SSH2: variants seen among roughly 807,000 people sequenced by gnomAD.
SSH2 encodes the protein protein phosphatase Slingshot homolog 2.
In SSH2, 37 loss-of-function variants were observed where a neutral mutation model predicts 135.2. The ratio of observed to expected loss-of-function variants is 0.27; its 90% CI spans 0.21 to 0.36. The LOEUF (loss-of-function observed/expected upper bound fraction) is 0.36, where lower values mean the gene tolerates loss of function less well. SSH2 is among the 10% of genes least tolerant of loss of function. The probability of loss-of-function intolerance (pLI) is 1.00; values close to 1 mark genes in which losing one functional copy is unlikely to be tolerated. For missense variants in SSH2, 1,408 were observed against 1,765.3 expected, an observed-to-expected ratio of 0.80 and a Z score of 3.63; for synonymous variants, 628 against 646.2, an observed-to-expected ratio of 0.97 and a Z score of 0.43.
intron 3 of SSH2, among the ~76,000 whole-genome samples, chr17:29,790,199 A>G (rs1347786834): frequency 6.6e-6 from 1 of 152,134 alleles, no homozygotes; most frequent in Non-Finnish European, 1.5e-5. Context: ...TTGAAGCCCT[A>G]CCCTCGAAAG....
intron 9 of SSH2, among the ~76,000 whole-genome samples, chr17:29,668,274 T>C (rs1457111827): frequency 6.6e-6 from 1 of 152,230 alleles, no homozygotes; most frequent in Non-Finnish European, 1.5e-5. Context: ...GGACTCTTAA[T>C]TTCTCATGAA....
intron 11 of SSH2, 108 bp downstream of exon 11, chr17:29,666,759 A>G (rs2037296357): frequency 9.2e-7 from 1 of 1,085,292 alleles, no homozygotes; most frequent in East Asian, 2.6e-5. Context: ...TTTGTCTTTA[A>G]AGTAAGTTAC....
At position 29,797,898 on chromosome 17, in the gene SSH2, A is replaced by G. The variant is rs187532867; in HGVS notation, c.145-3961T>C. Among the ~76,000 whole-genome samples, 148 of 152,280 alleles carry G rather than the reference A, an allele frequency of 9.7e-4. 2 individuals carry two copies. In the Middle Eastern group the frequency reaches 0.01, roughly 10 times the overall value. On this transcript the variant is annotated intron_variant, in intron 2 of 15. Transcript: ENST00000540801. ...GTGAGACTCTAAAATTAAATAAATA[A>G]ATAAAGCTATTATATGAATATTCTT...
intron 1 of SSH2, among the ~76,000 whole-genome samples, chr17:29,890,387 A>G (rs1316207661): frequency 6.6e-6 from 1 of 152,262 alleles, no homozygotes; most frequent in Non-Finnish European, 1.5e-5. Flanking sequence ...CATAATAGCC[A>G]AAAGACAGAA....
At chr17:29,722,746 A>C (rs1291778737) in intron 3 of SSH2, among the ~76,000 whole-genome samples, 1 of 152,220 alleles carries the variant, frequency 6.6e-6, no homozygotes, top group Non-Finnish European at 1.5e-5. Flanking sequence ...GGGGCAGTAC[A>C]GGAAAACACA....
At chr17:29,873,848 C>T (rs113276162) in intron 1 of SSH2, among the ~76,000 whole-genome samples, 7 of 152,314 alleles carry the variant, frequency 4.6e-5, no homozygotes, top group South Asian at 2.1e-4. Flanking sequence ...CTTACTTAAA[C>T]AAGCTTCTAG....
intron 3 of SSH2, among the ~76,000 whole-genome samples, chr17:29,752,085 C>T (rs868013497): frequency 6.6e-6 from 1 of 152,186 alleles, no homozygotes; most frequent in Non-Finnish European, 1.5e-5. Context: ...CCATACATCA[C>T]ATTCTTCATT....
chr17:29,709,029 G>T (rs1343143565), intron 3 of SSH2, among the ~76,000 whole-genome samples: 97 of 142,842 alleles, frequency 6.8e-4, no homozygotes, highest in South Asian at 1.8e-3. Context: ...GAGAGAGAGA[G>T]AGAGAGAGAG....
At chr17:29,875,956 A>G (rs185896437) in intron 1 of SSH2, among the ~76,000 whole-genome samples, 1 of 149,176 alleles carries the variant, frequency 6.7e-6, no homozygotes, top group Admixed American at 6.7e-5. Flanking sequence ...ACTATAAACC[A>G]CTGATGAAAA....
chr17:29,823,961 G>T lies in SSH2; in HGVS notation c.144+24888C>A, dbSNP rs142473478. 4.8e-3 allele frequency among the ~76,000 whole-genome samples: 726 copies of T among 151,634 alleles called. 6 individuals carry two copies. Among genetic ancestry groups the T allele is most frequent in the Middle Eastern group, 0.014 (4 of 286 alleles). On this transcript the variant is annotated intron_variant, in intron 2 of 15. Transcript: ENST00000540801. ...CTATTTTGTTTAATCCCATCTAAAG[G>T]CTTTTATACTGAATTGCTACAGAAG...
At chr17:29,691,726 G>A (rs1598811956) in intron 5 of SSH2, among the ~76,000 whole-genome samples, 1 of 151,672 alleles carries the variant, frequency 6.6e-6, no homozygotes, top group African/African-American at 2.4e-5. Context: ...TCCTGAACTC[G>A]TGATCCACCC....
rs575715372 is a variant in SSH2 at position 29,666,780 on chromosome 17, T to C, written c.1032+87A>G. 2.7e-5 allele frequency: 33 copies of C among 1,228,182 alleles called. No individual in the cohort carries two copies. In the East Asian group the frequency reaches 6.8e-4, roughly 25 times the overall value. The allele number at this position is 1,228,182 out of a possible 1,614,324, so 76.1% of individuals were successfully genotyped here. Reference sequence around the variant, plus strand: ...TTTAAAGTAAGTTACATTTTATTTATGTATAATAAAATTTAATAATTACCC... The same window carrying C: ...TTTAAAGTAAGTTACATTTTATTTACGTATAATAAAATTTAATAATTACCC... On this transcript the variant is annotated intron_variant, in intron 11 of 15. Coordinates refer to ENST00000540801, the MANE Select transcript of SSH2 (RefSeq NM_001282129.2).
At position 29,674,187 on chromosome 17, in the gene SSH2, T is replaced by C. The variant is rs546811050; in HGVS notation, c.615-2058A>G. 94 of 456,024 alleles carry C rather than the reference T, an allele frequency of 2.1e-4. 1 individual carries two copies. The highest frequency in any genetic ancestry group is 1.4e-3 in the South Asian group (89 of 64,364). 28.2% of individuals were successfully genotyped at this position (456,024 alleles called of 1,614,324 possible). On this transcript the variant is annotated intron_variant, in intron 8 of 15. Coordinates refer to ENST00000540801, the MANE Select transcript of SSH2 (RefSeq NM_001282129.2). ...ATACAATGTAAATTAAGAAAACAAA[T>C]TTAAACCAATTTAATCAGAGGAAAA...
chr17:29,806,174 A>G (rs571993330), intron 2 of SSH2, among the ~76,000 whole-genome samples: 1 of 152,332 alleles, frequency 6.6e-6, no homozygotes, highest in African/African-American at 2.4e-5. Context: ...CCTCTGTGTC[A>G]TTCTCTTGTT....
intron 3 of SSH2, among the ~76,000 whole-genome samples, chr17:29,748,996 T>C (rs1299197273): frequency 2.0e-5 from 3 of 152,210 alleles, no homozygotes; most frequent in Admixed American, 6.5e-5. Flanking sequence ...TAATTCAATG[T>C]GTCATTACAT....
chr17:29,631,168 G>C lies in SSH2; in HGVS notation c.4026C>G (p.His1342Gln). Residue 1342 changes from histidine to glutamine, a missense_variant, in exon 16 of 16, where the codon CAC becomes CAG. Physicochemically the swap from His to Gln is conservative, Grantham distance 24 (BLOSUM62 0). Coordinates refer to ENST00000540801, the MANE Select transcript of SSH2 (RefSeq NM_001282129.2). ...QESLENPGAP[H>Q]NPEPTKSFVE... ...CAAAAGACTTGGTGGGCTCTGGGTT[G>C]TGGGGGGCACCTGGGTTTTCTAGGG... is the stretch of plus-strand genomic sequence containing the variant. 1 of 1,614,202 alleles carries C rather than the reference G, an allele frequency of 6.2e-7. No individual in the cohort carries two copies. Among genetic ancestry groups the C allele is most frequent in the Non-Finnish European group, 8.5e-7 (1 of 1,180,038 alleles).
intron 11 of SSH2, 124 bp downstream of exon 11, chr17:29,666,743 A>ACAAAAG: frequency 1.6e-5 from 14 of 886,706 alleles, no homozygotes; most frequent in Non-Finnish European, 2.4e-5. Flanking sequence ...TTGAGTACTT[A>ACAAAAG]TCACTTTTGT....
chr17:29,772,856 G>C (rs1471370219), intron 3 of SSH2, among the ~76,000 whole-genome samples: 1 of 152,096 alleles, frequency 6.6e-6, no homozygotes, highest in Non-Finnish European at 1.5e-5. Flanking sequence ...CAGGTCCTTA[G>C]GTCTTTGGCA....
At chr17:29,668,901 T>A (rs1227129838) in intron 9 of SSH2, among the ~76,000 whole-genome samples, 1 of 152,094 alleles carries the variant, frequency 6.6e-6, no homozygotes, top group Non-Finnish European at 1.5e-5. Flanking sequence ...ATTGGTGGTG[T>A]GACTTCTAAC....
Sources: gnomAD v4.1 joint callset for allele counts (sites outside exome capture counted in the v4.1 genomes callset) on GRCh38, gnomAD v4.1.1 for gene constraint, MANE v1.5 for transcripts, NCBI Gene and HGNC (gene_info 2026-07-23, HGNC 2026-07-21) for gene names.